PHKB: variants seen among roughly 807,000 people sequenced by gnomAD.
PHKB encodes the protein phosphorylase b kinase regulatory subunit beta.
A neutral mutation model predicts 152.1 loss-of-function variants in PHKB; 122 were observed. That is an observed-to-expected ratio of 0.80 (90% confidence interval 0.69 to 0.93). PHKB has a LOEUF of 0.93. PHKB is among the 40% of genes least tolerant of loss of function. PHKB has a pLI of 0.00. For synonymous variants in PHKB, 436 were observed against 464.9 expected (o/e 0.94, Z 0.80); for missense variants, 1,304 against 1,328.4 (o/e 0.98, Z 0.29).
At chr16:47,482,061 A>C (rs1425855278) in intron 1 of PHKB, among the ~76,000 whole-genome samples, 1 of 152,234 alleles carries the variant, frequency 6.6e-6, no homozygotes, top group African/African-American at 2.4e-5. Context: ...TTCACTAAAG[A>C]ATGAAAGCTG....
At chr16:47,599,069 T>C (rs1972174531) in intron 13 of PHKB, 1 of 593,736 alleles carries the variant, frequency 1.7e-6, no homozygotes, top group Non-Finnish European at 3.0e-6. Flanking sequence ...GTTGGGAAGG[T>C]TATCTCTGGT....
chr16:47,531,519 A>C (rs1970861558), intron 6 of PHKB, among the ~76,000 whole-genome samples: 1 of 152,250 alleles, frequency 6.6e-6, no homozygotes, highest in Admixed American at 6.5e-5. Context: ...ATTTTAAAAT[A>C]ATCCATTACA....
At chr16:47,498,636 C>G (rs1970272942) in intron 2 of PHKB, among the ~76,000 whole-genome samples, 1 of 152,228 alleles carries the variant, frequency 6.6e-6, no homozygotes, top group Admixed American at 6.5e-5. Context: ...TGTGATCTCT[C>G]ATGCCTGTAA....
intron 1 of PHKB, among the ~76,000 whole-genome samples, chr16:47,473,470 A>G (rs1197979050): frequency 6.6e-6 from 1 of 151,792 alleles, no homozygotes; most frequent in Non-Finnish European, 1.5e-5. Flanking sequence ...TTAAAAGATG[A>G]AACAATTGTT....
At chr16:47,677,340 C>T (rs559596190) in intron 26 of PHKB, among the ~76,000 whole-genome samples, 84 of 152,312 alleles carry the variant, frequency 5.5e-4, no homozygotes, top group Non-Finnish European at 9.7e-4. Flanking sequence ...AAAAAAAGTC[C>T]CTTCTTGCAG....
intron 6 of PHKB, among the ~76,000 whole-genome samples, chr16:47,516,645 G>A (rs191882816): frequency 3.8e-4 from 58 of 152,248 alleles, no homozygotes; most frequent in Admixed American, 2.5e-3. Context: ...TCATTGGACC[G>A]TACTGAGGGT....
intron 6 of PHKB, among the ~76,000 whole-genome samples, chr16:47,541,132 G>GCTA: frequency 6.6e-6 from 1 of 152,100 alleles, no homozygotes; most frequent in Middle Eastern, 3.4e-3. Context: ...TTCTCCTAAT[G>GCTA]CTACCCCTTC....
At chr16:47,639,409 C>A (rs1325490373) in intron 14 of PHKB, among the ~76,000 whole-genome samples, 2 of 152,186 alleles carry the variant, frequency 1.3e-5, no homozygotes, top group African/African-American at 4.8e-5. Context: ...GTGCTGAATT[C>A]TTTCTCTCAA....
At chr16:47,585,731 T>C (rs752196732) in intron 8 of PHKB, among the ~76,000 whole-genome samples, 81 of 152,182 alleles carry the variant, frequency 5.3e-4, no homozygotes, top group Non-Finnish European at 1.1e-3. Context: ...CAGAGAAAAA[T>C]TGAGAGCTGA....
intron 13 of PHKB, among the ~76,000 whole-genome samples, chr16:47,600,146 G>A (rs541089988): frequency 9.6e-4 from 146 of 152,068 alleles, no homozygotes; most frequent in Non-Finnish European, 1.8e-3. Context: ...TTTGCTTTAT[G>A]TATGCCTAAG....
chr16:47,614,920 G>A (rs1181490939), intron 14 of PHKB, among the ~76,000 whole-genome samples: 1 of 152,138 alleles, frequency 6.6e-6, no homozygotes, highest in Non-Finnish European at 1.5e-5. Context: ...AGGTCTGCTA[G>A]CAACAAATTT....
intron 24 of PHKB, 116 bp from the exon 25 acceptor site, chr16:47,664,769 T>C: frequency 1.4e-6 from 1 of 733,178 alleles, no homozygotes; most frequent in South Asian, 1.5e-5. Flanking sequence ...TTTATGCATT[T>C]CAGATAAATC....
intron 14 of PHKB, among the ~76,000 whole-genome samples, chr16:47,631,568 T>G (rs1177585738): frequency 6.6e-6 from 1 of 152,196 alleles, no homozygotes; most frequent in Non-Finnish European, 1.5e-5. Flanking sequence ...CATGGTGGTT[T>G]GCTGCACCTA....
chr16:47,532,597 G>C (rs1209690570), intron 6 of PHKB, among the ~76,000 whole-genome samples: 1 of 152,228 alleles, frequency 6.6e-6, no homozygotes, highest in Admixed American at 6.5e-5. Context: ...AGCTCTAGGT[G>C]TTGGCATGGG....
intron 20 of PHKB, among the ~76,000 whole-genome samples, chr16:47,657,615 A>AT (rs1008680518): frequency 2.7e-5 from 4 of 150,726 alleles, no homozygotes; most frequent in African/African-American, 4.9e-5. Flanking sequence ...AACCAACTGA[A>AT]TTTTTTTTTT....
chr16:47,630,433 G>C (rs1972806002), intron 14 of PHKB, among the ~76,000 whole-genome samples: 1 of 151,758 alleles, frequency 6.6e-6, no homozygotes, highest in Non-Finnish European at 1.5e-5. Flanking sequence ...AGTGAGCTGA[G>C]ATTTCGCTGC....
intron 6 of PHKB, among the ~76,000 whole-genome samples, chr16:47,523,076 G>C (rs1235035980): frequency 6.7e-6 from 1 of 150,114 alleles, no homozygotes; most frequent in African/African-American, 2.5e-5. Flanking sequence ...TCAGCCCTTT[G>C]AGCATATTTA....
chr16:47,666,068 G>T (rs372684433), intron 25 of PHKB: 6 of 1,460,224 alleles, frequency 4.1e-6, no homozygotes, highest in African/African-American at 1.4e-5. Context: ...ATTTGGTCCC[G>T]GTTGCAAAGA....
chr16:47,478,411 A>G (rs1311051442), intron 1 of PHKB, among the ~76,000 whole-genome samples: 2 of 151,956 alleles, frequency 1.3e-5, no homozygotes, highest in Non-Finnish European at 2.9e-5. Flanking sequence ...TTGTCATTAA[A>G]GCAGTATTTC....
Sources: gnomAD v4.1 joint callset for allele counts (sites outside exome capture counted in the v4.1 genomes callset) on GRCh38, gnomAD v4.1.1 for gene constraint, MANE v1.5 for transcripts, NCBI Gene and HGNC (gene_info 2026-07-23, HGNC 2026-07-21) for gene names.